Variants in SUGT1 observed in about 807,000 individuals in gnomAD.
SUGT1 encodes SGT1 assembly cochaperone of MIS12 kinetochore complex, also known as protein SGT1 homolog.
SUGT1 carries 15 observed loss-of-function variants against 56.1 expected under a neutral mutation model. The observed-to-expected ratio is 0.27, with a 90% CI of 0.18 to 0.41. The LOEUF (loss-of-function observed/expected upper bound fraction) is 0.41, where lower values mean the gene tolerates loss of function less well. Ranked by LOEUF, SUGT1 falls within the 10% of genes least tolerant of loss-of-function variation. SUGT1 has a pLI of 1.00. For missense variants in SUGT1, 347 were observed against 382.2 expected (o/e 0.91, Z 0.77); for synonymous variants, 123 against 128.6 (o/e 0.96, Z 0.30).
At chr13:52,671,754 G>A (rs1962951660) in intron 10 of SUGT1, among the ~76,000 whole-genome samples, 1 of 152,090 alleles carries the variant, frequency 6.6e-6, no homozygotes, top group African/African-American at 2.4e-5. Context: ...TCATTTTATA[G>A]GAGAAACTGA....
At position 52,695,191 on chromosome 13, in the gene SUGT1, A is replaced by T. The variant is rs1963893357; in HGVS notation, c.*7356A>T. 1 of 152,230 alleles carries T rather than the reference A, an allele frequency of 6.6e-6. No homozygotes were observed. Among genetic ancestry groups the T allele is most frequent in the Non-Finnish European group, 1.5e-5 (1 of 68,040 alleles). The allele number at this position is 152,230 out of a possible 1,614,324, so 9.4% of individuals were successfully genotyped here. A position where few individuals can be genotyped will look rare whatever the true frequency, so the allele number is the denominator to read the frequency against. Reference sequence around the variant, plus strand: ...GTGACTGAAAGTGAACACATTCATAAGTAATGAGCTTAGGCTGAGGATATA... The same window carrying T: ...GTGACTGAAAGTGAACACATTCATATGTAATGAGCTTAGGCTGAGGATATA... On this transcript the variant is annotated 3_prime_UTR_variant, in exon 13 of 13. Transcript: ENST00000310528.
At chr13:52,670,090 C>CT (rs1219059140) in intron 10 of SUGT1, among the ~76,000 whole-genome samples, 1 of 152,138 alleles carries the variant, frequency 6.6e-6, no homozygotes, top group Non-Finnish European at 1.5e-5. Context: ...GATTTCTTTG[C>CT]TTTTGGGAAT....
intron 10 of SUGT1, among the ~76,000 whole-genome samples, chr13:52,671,837 C>G (rs754552391): frequency 1.3e-5 from 2 of 152,140 alleles, no homozygotes; most frequent in Non-Finnish European, 2.9e-5. Flanking sequence ...ACTCTTCTAA[C>G]TATACAACTG....
chr13:52,687,984 A>G lies in SUGT1; in HGVS notation c.*149A>G. ...GTGCTTTAGAAATTATTTTCCTTCA[A>G]GTGTTCAAGTCTAATGAAGAATGAA... On this transcript the variant is annotated 3_prime_UTR_variant, in exon 13 of 13. Coordinates refer to ENST00000310528, the MANE Select transcript of SUGT1 (RefSeq NM_006704.5). The G allele has an allele frequency of 2.0e-6, 1 of 492,922 alleles. No homozygotes were observed. Among genetic ancestry groups the G allele is most frequent in the Non-Finnish European group, 3.5e-6 (1 of 288,888 alleles). 30.5% of individuals were successfully genotyped at this position (492,922 alleles called of 1,614,324 possible).
In SUGT1 at chr13:52,696,308, C is replaced by G. The variant is rs967482319; in HGVS notation, c.*8473C>G. ...CAGTACTCTTGTGGAACTCCCCTCT[C>G]CATGCCCTCTACTGAAATGCATTGC... On this transcript the variant is annotated 3_prime_UTR_variant, in exon 13 of 13. Transcript: ENST00000310528. The G allele has an allele frequency of 1.3e-5, 2 of 152,224 alleles. No homozygotes were observed. The highest frequency in any genetic ancestry group is 1.3e-4 in the Admixed American group (2 of 15,272). The allele number at this position is 152,224 out of a possible 1,614,324, so 9.4% of individuals were successfully genotyped here. A position where few individuals can be genotyped will look rare whatever the true frequency, so the allele number is the denominator to read the frequency against.
At chr13:52,674,760 GT>G (rs1963077976) in intron 10 of SUGT1, among the ~76,000 whole-genome samples, 1 of 152,058 alleles carries the variant, frequency 6.6e-6, no homozygotes, top group African/African-American at 2.4e-5. Flanking sequence ...CATTTAAACT[GT>G]TTTATATAAT....
intron 4 of SUGT1, 59 bp from the exon 5 acceptor site, chr13:52,659,116 TAGAA>T (rs1340866374): frequency 7.5e-7 from 1 of 1,333,606 alleles, no homozygotes; most frequent in South Asian, 1.5e-5. Context: ...GTTTTTTATT[TAGAA>T]AGAAGGTATT....
At chr13:52,663,274 TAAATATAGA>T (rs1962546684) in intron 7 of SUGT1, among the ~76,000 whole-genome samples, 162 bp downstream of exon 7, 1 of 152,230 alleles carries the variant, frequency 6.6e-6, no homozygotes, top group Non-Finnish European at 1.5e-5. Flanking sequence ...CATTTTTTGA[TAAATATAGA>T]AGTTTCCAGT....
At chr13:52,672,936 T>G (rs1337014288) in intron 10 of SUGT1, among the ~76,000 whole-genome samples, 3 of 152,244 alleles carry the variant, frequency 2.0e-5, no homozygotes, top group Admixed American at 1.3e-4. Context: ...GGATTCTTAG[T>G]GTAATCTGTG....
At chr13:52,684,066 A>T (rs769299784) in intron 12 of SUGT1, among the ~76,000 whole-genome samples, 94 of 151,904 alleles carry the variant, frequency 6.2e-4, no homozygotes, top group Admixed American at 1.2e-3. Context: ...AATTTAATTT[A>T]ATTTTATTTT....
chr13:52,662,873 G>C (rs1033455808), intron 6 of SUGT1, among the ~76,000 whole-genome samples, 171 bp downstream of exon 6: 4 of 152,154 alleles, frequency 2.6e-5, no homozygotes, highest in Admixed American at 6.5e-5. Context: ...TTCTTATGTT[G>C]AAAGGGGGAT....
chr13:52,667,899 T>C (rs2138135977), intron 10 of SUGT1, among the ~76,000 whole-genome samples: 1 of 152,062 alleles, frequency 6.6e-6, no homozygotes, highest in South Asian at 2.1e-4. Flanking sequence ...CTTTCAGCTG[T>C]AGAATTGTGT....
rs1204778183 is a variant in SUGT1 at position 52,699,661 on chromosome 13, G to T, written c.*11826G>T. On this transcript the variant is annotated 3_prime_UTR_variant, in exon 13 of 13. Coordinates refer to ENST00000310528, the MANE Select transcript of SUGT1 (RefSeq NM_006704.5). The stretch of plus-strand genomic sequence containing the variant: ...TTAGTCCCGCTAAGAGAAAGTTTTT[G>T]CTTGTCTAGTTTATTACAGGTCTTT... 1.3e-5 allele frequency: 2 copies of T among 152,088 alleles called. No homozygotes were observed. Among genetic ancestry groups the T allele is most frequent in the African/African-American group, 4.8e-5 (2 of 41,430 alleles). The allele number at this position is 152,088 out of a possible 1,614,324, so 9.4% of individuals were successfully genotyped here. A position where few individuals can be genotyped will look rare whatever the true frequency, so the allele number is the denominator to read the frequency against.
rs754030647 is a variant in SUGT1, at chr13:52,687,847, T to G, written c.*12T>G. The G allele has an allele frequency of 6.4e-7, 1 of 1,563,206 alleles. No homozygotes were observed. Among genetic ancestry groups the G allele is most frequent in the South Asian group, 1.2e-5 (1 of 82,814 alleles). On this transcript the variant is annotated 3_prime_UTR_variant, in exon 13 of 13. Coordinates refer to ENST00000310528, the MANE Select transcript of SUGT1 (RefSeq NM_006704.5). ...GGAAAAAGTACTAAATAAATTAATT[T>G]GCTCTCATCGTATTGTGTATATTCA... is the stretch of plus-strand genomic sequence containing the variant.
intron 10 of SUGT1, among the ~76,000 whole-genome samples, 196 bp downstream of exon 10, chr13:52,667,115 A>G (rs993524867): frequency 2.0e-5 from 3 of 152,188 alleles, no homozygotes; most frequent in Non-Finnish European, 2.9e-5. Flanking sequence ...ATAAAAATCC[A>G]CTTAGAGTGT....
At position 52,690,834 on chromosome 13, in the gene SUGT1, C is replaced by T. The variant is rs1368573992; in HGVS notation, c.*2999C>T. 6.6e-6 allele frequency: 1 copy of T among 152,168 alleles called. No homozygotes were observed. Among genetic ancestry groups the T allele is most frequent in the Non-Finnish European group, 1.5e-5 (1 of 68,046 alleles). 9.4% of individuals were successfully genotyped at this position (152,168 alleles called of 1,614,324 possible). A position where few individuals can be genotyped will look rare whatever the true frequency, so the allele number is the denominator to read the frequency against. On this transcript the variant is annotated 3_prime_UTR_variant, in exon 13 of 13. Coordinates refer to ENST00000310528, the MANE Select transcript of SUGT1 (RefSeq NM_006704.5). ...TGGAATGGAGAAAGAGGATGGCTTG[C>T]ATTAATAACTCTAGTTTTTAAAAAC...
chr13:52,676,195 G>T (rs185103741), intron 10 of SUGT1, 35 bp from the exon 11 acceptor site: 4 of 1,543,710 alleles, frequency 2.6e-6, no homozygotes, highest in Non-Finnish European at 3.5e-6. Context: ...TGTATTTTAC[G>T]TCGAGTAATG....
rs1203331259 is a variant in SUGT1 at position 52,695,519 on chromosome 13, A to G, written c.*7684A>G. On this transcript the variant is annotated 3_prime_UTR_variant, in exon 13 of 13. Transcript: ENST00000310528. ...ATTTAATAACTAAGTCCTGACTCAA[A>G]TTATGTTACCAATAAATGCTACTTA... 1 of 152,226 alleles carries G rather than the reference A, an allele frequency of 6.6e-6. No homozygotes were observed. Among genetic ancestry groups the G allele is most frequent in the African/African-American group, 2.4e-5 (1 of 41,464 alleles). The allele number at this position is 152,226 out of a possible 1,614,324, so 9.4% of individuals were successfully genotyped here. A position where few individuals can be genotyped will look rare whatever the true frequency, so the allele number is the denominator to read the frequency against.
At chr13:52,664,143 T>TA (rs1179138852) in intron 8 of SUGT1, 86 bp downstream of exon 8, 15 of 1,348,198 alleles carry the variant, frequency 1.1e-5, no homozygotes, top group South Asian at 6.5e-5. Flanking sequence ...AGCAAATTCT[T>TA]ACCATGTGAT....
Sources: gnomAD v4.1 joint callset for allele counts (sites outside exome capture counted in the v4.1 genomes callset) on GRCh38, gnomAD v4.1.1 for gene constraint, MANE v1.5 for transcripts, NCBI Gene and HGNC (gene_info 2026-07-23, HGNC 2026-07-21) for gene names.